UNC5C: variants seen among roughly 807,000 people sequenced by gnomAD.
The protein encoded by UNC5C is unc-5 netrin receptor C.
UNC5C carries 47 observed loss-of-function variants against 99.8 expected under a neutral mutation model. The observed-to-expected ratio is 0.47, with a 90% CI of 0.37 to 0.60. UNC5C has a LOEUF of 0.60. UNC5C is among the 20% of genes least tolerant of loss of function. The pLI is 0.00. For missense variants in UNC5C, 1,062 were observed against 1,165.9 expected (o/e 0.91, Z 1.30); for synonymous variants, 487 against 452.2 (o/e 1.08, Z -0.98).
chr4:95,353,344 A>ATT, intron 1 of UNC5C, among the ~76,000 whole-genome samples: 1 of 152,198 alleles, frequency 6.6e-6, no homozygotes, highest in South Asian at 2.1e-4. Context: ...CCATGGATAG[A>ATT]TTATATATTA....
At chr4:95,517,376 A>T (rs1268983236) in intron 1 of UNC5C, among the ~76,000 whole-genome samples, 1 of 152,148 alleles carries the variant, frequency 6.6e-6, no homozygotes, top group Non-Finnish European at 1.5e-5. Flanking sequence ...CTGACTATGC[A>T]TAAATATCGG....
chr4:95,314,799 T>C lies in UNC5C; in HGVS notation c.347-13050A>G, dbSNP rs77149752. Among the ~76,000 whole-genome samples the C allele has an allele frequency of 2.7e-3, 411 of 152,312 alleles. 3 individuals are homozygous for C. Among genetic ancestry groups the C allele is most frequent in the African/African-American group, 8.8e-3 (367 of 41,580 alleles). On this transcript the variant is annotated intron_variant, in intron 2 of 15. Coordinates refer to ENST00000453304, the MANE Select transcript of UNC5C (RefSeq NM_003728.4). ...GCAAAAACATCAAAACATGATTGAC[T>C]GTAAAGAAAATGATAATGGTACTTA...
chr4:95,261,996 CCA>C (rs1740255299), intron 4 of UNC5C, among the ~76,000 whole-genome samples: 1 of 152,194 alleles, frequency 6.6e-6, no homozygotes, highest in Admixed American at 6.5e-5. Flanking sequence ...GCCACTGCGC[CCA>C]GTCTGCATTC....
At chr4:95,428,520 T>G (rs1311948174) in intron 1 of UNC5C, among the ~76,000 whole-genome samples, 2 of 151,928 alleles carry the variant, frequency 1.3e-5, no homozygotes. Context: ...TTGATAGGAG[T>G]GATAATGTGG....
chr4:95,360,898 G>A (rs918527073), intron 1 of UNC5C, among the ~76,000 whole-genome samples: 1 of 152,180 alleles, frequency 6.6e-6, no homozygotes, highest in Non-Finnish European at 1.5e-5. Flanking sequence ...ATGTTAAGGA[G>A]GCATTTTAAT....
In UNC5C at chr4:95,167,875, G is replaced by A. The variant is rs532128720; in HGVS notation, c.*1359C>T. The A allele has an allele frequency of 2.0e-5, 3 of 152,292 alleles. No homozygotes were observed. The highest frequency in any genetic ancestry group is 1.3e-4 in the Admixed American group (2 of 15,298). The allele number at this position is 152,292 out of a possible 1,614,324, so 9.4% of individuals were successfully genotyped here. On this transcript the variant is annotated 3_prime_UTR_variant, in exon 16 of 16. Transcript: ENST00000453304. ...CTTCAGACTGATGAATGAGACTGGA[G>A]GCATCACGGTGGAAGTTGAGCATTT...
intron 1 of UNC5C, among the ~76,000 whole-genome samples, chr4:95,440,605 A>C (rs1267532676): frequency 6.6e-6 from 1 of 152,154 alleles, no homozygotes; most frequent in African/African-American, 2.4e-5. Context: ...TATAATTTTA[A>C]GGCATTCTAG....
intron 8 of UNC5C, 124 bp from the exon 9 acceptor site, chr4:95,219,437 TAGAC>T (rs1206011508): frequency 1.1e-6 from 1 of 877,832 alleles, no homozygotes; most frequent in South Asian, 1.7e-5. Context: ...CGGAGATAGA[TAGAC>T]AGGCTCTACT....
At chr4:95,481,568 A>G (rs950006992) in intron 1 of UNC5C, among the ~76,000 whole-genome samples, 3 of 152,094 alleles carry the variant, frequency 2.0e-5, no homozygotes, top group African/African-American at 7.2e-5. Context: ...CCTAAGCCAA[A>G]AGAACAAAAC....
intron 1 of UNC5C, among the ~76,000 whole-genome samples, chr4:95,360,849 C>T (rs575748795): frequency 6.6e-6 from 1 of 152,146 alleles, no homozygotes; most frequent in South Asian, 2.1e-4. Context: ...ATAAAGGAGG[C>T]AAATGATTTG....
Position 95,335,519 on chromosome 4 carries a change from C to T in UNC5C, c.237G>A (p.Val79=). 6.2e-7 allele frequency: 1 copy of T among 1,612,426 alleles called. No individual in the cohort carries two copies. Among genetic ancestry groups the T allele is most frequent in the Non-Finnish European group, 8.5e-7 (1 of 1,178,976 alleles). Residue 79 remains valine (V), a synonymous_variant, in exon 2 of 16, where the codon GTG becomes GTA. Transcript: ENST00000453304. ...CAGGGCTTGCTTTACAGTACAGGTTCACGGGCTTATTCTTCACAATATAAG... is the reference window on the plus strand; with the variant it reads ...CAGGGCTTGCTTTACAGTACAGGTTTACGGGCTTATTCTTCACAATATAAG... ...EEAYIVKNKP[V]NLYCKASPAT... is the part of the protein sequence containing the mutation.
intron 2 of UNC5C, among the ~76,000 whole-genome samples, chr4:95,333,657 C>CACATGTATACATGTAT (rs1743212851): frequency 6.6e-6 from 1 of 152,046 alleles, no homozygotes; most frequent in Non-Finnish European, 1.5e-5. Flanking sequence ...ACCAACATGG[C>CACATGTATACATGTAT]ACATGTATAC....
chr4:95,226,954 C>T (rs1247182167), intron 7 of UNC5C, among the ~76,000 whole-genome samples: 2 of 151,974 alleles, frequency 1.3e-5, no homozygotes, highest in African/African-American at 4.8e-5. Context: ...ACAAAATCCA[C>T]CTCCCTTGAT....
intron 2 of UNC5C, among the ~76,000 whole-genome samples, chr4:95,327,282 C>G (rs982811271): frequency 1.3e-5 from 2 of 151,970 alleles, no homozygotes; most frequent in Non-Finnish European, 2.9e-5. Flanking sequence ...ACGTAAAAAG[C>G]CTACAAATTT....
chr4:95,477,886 T>C (rs1413845261), intron 1 of UNC5C, among the ~76,000 whole-genome samples: 1 of 152,002 alleles, frequency 6.6e-6, no homozygotes, highest in Non-Finnish European at 1.5e-5. Flanking sequence ...ATTTCATCTC[T>C]AGTGTCACCC....
intron 1 of UNC5C, among the ~76,000 whole-genome samples, chr4:95,476,476 A>T (rs1748151452): frequency 6.6e-6 from 1 of 152,096 alleles, no homozygotes; most frequent in Admixed American, 6.6e-5. Flanking sequence ...TGCACAAATT[A>T]CATAACCAAA....
rs749917421 is a variant in UNC5C at position 95,250,473 on chromosome 4, G to A, written c.775+14C>T. The A allele has an allele frequency of 1.9e-5, 30 of 1,611,656 alleles. No individual in the cohort carries two copies. In the South Asian group the frequency reaches 2.3e-4, roughly 12 times the overall value. Reference sequence around the variant, plus strand: ...TAAACATGAACTAGATTGAGACCCTGAAGGGCCACTCACCATAGACTATGA... The same window carrying A: ...TAAACATGAACTAGATTGAGACCCTAAAGGGCCACTCACCATAGACTATGA... On this transcript the variant is annotated intron_variant, in intron 5 of 15. Coordinates refer to ENST00000453304, the MANE Select transcript of UNC5C (RefSeq NM_003728.4).
chr4:95,290,902 A>G (rs1368635215), intron 3 of UNC5C, among the ~76,000 whole-genome samples: 1 of 152,120 alleles, frequency 6.6e-6, no homozygotes, highest in Non-Finnish European at 1.5e-5. Flanking sequence ...GTCAGCAGAA[A>G]GGTAAGCTTG....
chr4:95,242,263 T>C (rs1739351082), intron 7 of UNC5C, among the ~76,000 whole-genome samples, 166 bp downstream of exon 7: 1 of 152,256 alleles, frequency 6.6e-6, no homozygotes, highest in South Asian at 2.1e-4. Context: ...TTCTGGTTCC[T>C]GGAAAATTCG....
Sources: allele counts gnomAD v4.1 joint callset (sites outside exome capture counted in the v4.1 genomes callset), GRCh38; gene constraint gnomAD v4.1.1; transcripts MANE v1.5; gene names NCBI Gene and HGNC (gene_info 2026-07-23, HGNC 2026-07-21).